The following ART3 variants were observed in gnomAD, a reference collection of about 807,000 sequenced individuals.
ART3 encodes the protein ecto-ADP-ribosyltransferase 3.
Under a neutral mutation model 48.5 loss-of-function variants are expected in ART3, and 49 were observed. The ratio of observed to expected loss-of-function variants is 1.01; its 90% confidence interval spans 0.80 to 1.28. ART3 has a LOEUF of 1.28. Ranked by LOEUF, ART3 falls within the 50% of genes most tolerant of loss-of-function variation. The pLI is 0.00. For synonymous variants in ART3, 145 were observed against 157.2 expected (o/e 0.92, Z 0.58); for missense variants, 438 against 454.3 (o/e 0.96, Z 0.33).
At chr4:76,039,666 A>C (rs556373622) in intron 1 of ART3, among the ~76,000 whole-genome samples, 1 of 152,360 alleles carries the variant, frequency 6.6e-6, no homozygotes, top group East Asian at 1.9e-4. Context: ...ACAATAGTGA[A>C]TATTTCTGCT....
At chr4:76,086,299 AAAAG>A (rs1464272910) in intron 3 of ART3, among the ~76,000 whole-genome samples, 2 of 152,208 alleles carry the variant, frequency 1.3e-5, no homozygotes, top group African/African-American at 4.8e-5. Flanking sequence ...CAGCCTTAAA[AAAAG>A]AGAGAGATTC....
chr4:76,041,469 G>A (rs1304428548), intron 1 of ART3: 1 of 151,974 alleles, frequency 6.6e-6, no homozygotes, highest in Non-Finnish European at 1.5e-5. Context: ...ATACTTTGTA[G>A]AACTTACTGT....
chr4:76,100,733 G>T (rs920862137), intron 6 of ART3, 62 bp from the exon 7 acceptor site: 2 of 1,559,970 alleles, frequency 1.3e-6, no homozygotes, highest in African/African-American at 1.4e-5. Context: ...TGCTGTAGCT[G>T]TAGTAACTGC....
At chr4:76,085,188 C>G (rs2070381383) in intron 3 of ART3, among the ~76,000 whole-genome samples, 2 of 152,266 alleles carry the variant, frequency 1.3e-5, no homozygotes, top group South Asian at 4.1e-4. Context: ...CTTTTTGGGT[C>G]TTGAAGGTGT....
chr4:76,059,010 G>T (rs11097219), intron 1 of ART3, among the ~76,000 whole-genome samples: 88,910 of 151,798 alleles, frequency 0.59, 26,873 homozygotes, highest in East Asian at 0.94. Context: ...CTGAGCATAG[G>T]TTGAACAGCT....
At chr4:76,013,992 A>G (rs929582280) in intron 1 of ART3, among the ~76,000 whole-genome samples, 5 of 152,330 alleles carry the variant, frequency 3.3e-5, no homozygotes, top group East Asian at 1.9e-4. Context: ...TATTTTGATT[A>G]GGAAGCTCTA....
intron 1 of ART3, among the ~76,000 whole-genome samples, chr4:76,049,164 A>G (rs1735793435): frequency 6.6e-6 from 1 of 151,930 alleles, no homozygotes; most frequent in Non-Finnish European, 1.5e-5. Context: ...CTGGGTGCCT[A>G]AAGAAGGTAA....
At chr4:76,097,809 A>T (rs574415942) in intron 4 of ART3, 133 bp downstream of exon 4, 1 of 737,840 alleles carries the variant, frequency 1.4e-6, no homozygotes, top group Non-Finnish European at 2.3e-6. Context: ...AAATTGTGCT[A>T]CTACTGCTAG....
At chr4:76,044,426 G>A (rs1003202451) in intron 1 of ART3, among the ~76,000 whole-genome samples, 2 of 152,024 alleles carry the variant, frequency 1.3e-5, no homozygotes. Context: ...TGTAAAGTAA[G>A]AATAGATTTC....
intron 10 of ART3, among the ~76,000 whole-genome samples, chr4:76,106,746 C>G (rs1560659328): frequency 6.6e-6 from 1 of 152,172 alleles, no homozygotes; most frequent in Non-Finnish European, 1.5e-5. Flanking sequence ...CCCCCCACCT[C>G]CCTTTGTGCC....
intron 1 of ART3, among the ~76,000 whole-genome samples, chr4:76,067,701 A>G (rs1057286012): frequency 6.6e-6 from 1 of 152,258 alleles, no homozygotes; most frequent in Admixed American, 6.5e-5. Context: ...AAATTTGGTA[A>G]CAGTAAAAAC....
At chr4:76,065,810 A>G (rs935255410) in intron 1 of ART3, among the ~76,000 whole-genome samples, 1 of 151,902 alleles carries the variant, frequency 6.6e-6, no homozygotes, top group African/African-American at 2.4e-5. Context: ...TTATATATTG[A>G]ATGGTGTAGG....
chr4:76,078,137 T>C (rs114128563), intron 2 of ART3, among the ~76,000 whole-genome samples: 99 of 152,272 alleles, frequency 6.5e-4, no homozygotes, highest in Non-Finnish European at 1.2e-3. Context: ...CCTAGCCTTT[T>C]GTACCTGTTT....
chr4:76,070,311 A>G (rs1051794852), upstream of ART3, among the ~76,000 whole-genome samples: 4 of 152,216 alleles, frequency 2.6e-5, no homozygotes, highest in Admixed American at 6.5e-5. Flanking sequence ...CCCATCAGTA[A>G]TGTATGAAAG....
chr4:76,068,527 C>T (rs1269039807), intron 1 of ART3, among the ~76,000 whole-genome samples: 1 of 152,022 alleles, frequency 6.6e-6, no homozygotes, highest in East Asian at 1.9e-4. Flanking sequence ...CATGCGGGAA[C>T]AGAAAACCAA....
rs748020159 is a variant in ART3 at position 76,040,437 on chromosome 4, T to TACACACACACAC, written c.-10+29149_-10+29160dup. On this transcript the variant is annotated intron_variant, in intron 1 of 9. Transcript: ENST00000341029. ...TGGATGGATACGCACATACACTGGATACACACACACACACACACACACACA... is the reference window on the plus strand; with the variant it reads ...TGGATGGATACGCACATACACTGGATACACACACACACACACACACACACACACACACACACA... 2.7e-4 allele frequency among the ~76,000 whole-genome samples: 24 copies of TACACACACACAC among 88,488 alleles called. No individual in the cohort carries two copies. In the East Asian group the frequency reaches 4.4e-3, roughly 16 times the overall value. The allele number at this position is 88,488 out of a possible 152,430, so 58.1% of individuals were successfully genotyped here.
intron 1 of ART3, 47 bp from the exon 2 acceptor site, chr4:76,075,834 C>T: frequency 6.9e-7 from 1 of 1,451,576 alleles, no homozygotes; most frequent in South Asian, 1.2e-5. Context: ...CTTCCCTACA[C>T]CTCTTTTTTG....
intron 1 of ART3, among the ~76,000 whole-genome samples, chr4:76,043,046 A>G (rs1735128690): frequency 6.6e-6 from 1 of 151,926 alleles, no homozygotes; most frequent in Non-Finnish European, 1.5e-5. Flanking sequence ...GGGCCCCACC[A>G]GAATAGCTAG....
chr4:76,025,550 T>C (rs1314142351), intron 1 of ART3, among the ~76,000 whole-genome samples: 2 of 152,246 alleles, frequency 1.3e-5, no homozygotes, highest in Admixed American at 6.5e-5. Flanking sequence ...TGACTCATTT[T>C]ATTCTTATAA....
Sources: gnomAD v4.1 joint callset for allele counts (sites outside exome capture counted in the v4.1 genomes callset) on GRCh38, gnomAD v4.1.1 for gene constraint, MANE v1.5 for transcripts, NCBI Gene and HGNC (gene_info 2026-07-23, HGNC 2026-07-21) for gene names.